MPPED1: variants seen among roughly 807,000 people sequenced by gnomAD.
MPPED1 encodes metallophosphoesterase domain containing 1.
A neutral mutation model predicts 36.2 loss-of-function variants in MPPED1; 16 were observed. The ratio of observed to expected loss-of-function variants is 0.44; its 90% CI spans 0.30 to 0.67. The LOEUF is 0.67. Among genes scored for constraint, MPPED1 ranks in the 30% least tolerant of loss-of-function variants. The probability of loss-of-function intolerance (pLI) is 0.10; values close to 1 mark genes in which losing one functional copy is unlikely to be tolerated. For synonymous variants in MPPED1, 199 were observed against 191.3 expected (o/e 1.04, Z -0.33); for missense variants, 307 against 453.4 (o/e 0.68, Z 2.93).
intron 4 of MPPED1, among the ~76,000 whole-genome samples, chr22:43,497,818 A>G (rs1204154192): frequency 1.4e-5 from 2 of 147,576 alleles, no homozygotes; most frequent in Non-Finnish European, 3.0e-5. Context: ...ATGGAGGGGC[A>G]TCTTCCTGGG....
intron 3 of MPPED1, among the ~76,000 whole-genome samples, chr22:43,440,537 G>A (rs998049572): frequency 6.6e-6 from 1 of 152,190 alleles, no homozygotes; most frequent in African/African-American, 2.4e-5. Context: ...AGAATGCCAG[G>A]TCCAAATTCT....
chr22:43,463,995 G>A (rs907947968), intron 3 of MPPED1, among the ~76,000 whole-genome samples: 11 of 151,518 alleles, frequency 7.3e-5, no homozygotes, highest in African/African-American at 1.7e-4. Context: ...TGCAACCTCC[G>A]CCTCCCAGGT....
chr22:43,445,880 ATTTTCTTTT>A lies in MPPED1; in HGVS notation c.406+10670_406+10678del, dbSNP rs1555899716. 3.1e-4 allele frequency among the ~76,000 whole-genome samples: 39 copies of A among 125,744 alleles called. 1 individual carries two copies. The highest frequency in any genetic ancestry group is 7.9e-4 in the Admixed American group (10 of 12,666). 82.5% of individuals were successfully genotyped at this position (125,744 alleles called of 152,430 possible). A position where few individuals can be genotyped will look rare whatever the true frequency, so the allele number is the denominator to read the frequency against. On this transcript the variant is annotated intron_variant, in intron 3 of 6. Transcript: ENST00000443721. ...CCACTGTGCCTAGCCTGGTGTTTAC[ATTTTCTTTT>A]TTTTTTTTTTTGAGACAGGGTCCTA...
At position 43,454,165 on chromosome 22, in the gene MPPED1, C is replaced by A. The variant is rs558227374; in HGVS notation, c.406+18950C>A. On this transcript the variant is annotated intron_variant, in intron 3 of 6. Transcript: ENST00000443721. ...CTGGGATTACCGGCACCCACCACCA[C>A]GCCTGGCTAATTTTTGTATTTTTAG... 4.5e-4 allele frequency among the ~76,000 whole-genome samples: 68 copies of A among 152,138 alleles called. 1 individual carries two copies. The highest frequency in any genetic ancestry group is 1.1e-3 in the African/African-American group (46 of 41,516).
intron 1 of MPPED1, among the ~76,000 whole-genome samples, chr22:43,416,022 CT>C (rs1929066833): frequency 6.6e-6 from 1 of 152,230 alleles, no homozygotes; most frequent in Non-Finnish European, 1.5e-5. Flanking sequence ...GTCTGCAAGC[CT>C]GCAAAATATA....
chr22:43,420,440 T>C (rs1009309500), intron 1 of MPPED1, among the ~76,000 whole-genome samples: 6 of 151,894 alleles, frequency 4.0e-5, no homozygotes, highest in African/African-American at 1.5e-4. Context: ...AGTCTCACTC[T>C]GTTACCCAGG....
intron 2 of MPPED1, among the ~76,000 whole-genome samples, chr22:43,431,177 C>T (rs1228009321): frequency 6.6e-5 from 10 of 151,436 alleles, no homozygotes; most frequent in African/African-American, 2.4e-4. Flanking sequence ...TAGTAGCTGA[C>T]ACTACAGGCG....
chr22:43,443,223 C>T (rs553418883), intron 3 of MPPED1, among the ~76,000 whole-genome samples: 1 of 152,290 alleles, frequency 6.6e-6, no homozygotes, highest in East Asian at 1.9e-4. Context: ...ACAGTGGAGG[C>T]CTGTGGGCCT....
chr22:43,434,382 C>G (rs776974485), intron 2 of MPPED1, among the ~76,000 whole-genome samples: 3 of 152,220 alleles, frequency 2.0e-5, no homozygotes, highest in African/African-American at 4.8e-5. Flanking sequence ...AACTCCCCCT[C>G]CCGTGCTGCT....
chr22:43,415,247 A>AAAAG (rs397944428), intron 1 of MPPED1, among the ~76,000 whole-genome samples: 1 of 143,554 alleles, frequency 7.0e-6, no homozygotes, highest in East Asian at 2.1e-4. Flanking sequence ...AAAAAAAAAA[A>AAAAG]GGAAAGAAAC....
rs1253495815 is a variant in MPPED1, at chr22:43,483,326, C to A, written c.632+8365C>A. Among the ~76,000 whole-genome samples the A allele has an allele frequency of 2.0e-5, 3 of 152,266 alleles. No individual in the cohort carries two copies. The East Asian group carries it at 5.8e-4, about 29-fold the overall frequency. On this transcript the variant is annotated intron_variant, in intron 4 of 6. Coordinates refer to ENST00000443721, the MANE Select transcript of MPPED1 (RefSeq NM_001044370.2). The stretch of plus-strand genomic sequence containing the variant: ...CTGGCCGGCCCCGAGGCAGCCCCCA[C>A]TCCCCCAGCTGTCACTGCAGATGGG...
Position 43,502,343 on chromosome 22 carries a change from G to A in MPPED1, c.749-301G>A, listed in dbSNP as rs1429401838. On this transcript the variant is annotated intron_variant, in intron 5 of 6. Transcript: ENST00000443721. This position sits in a 1 kb window ranked among gnomAD's most constrained non-coding sequence, Gnocchi z 5.5. ...GCCACTCGAGCACAGATGGTCTGGG[G>A]GGCGCCAGCAGTTACTGAGCACCCC... Among the ~76,000 whole-genome samples the A allele has an allele frequency of 1.3e-5, 2 of 152,140 alleles. No homozygotes were observed. Among genetic ancestry groups the A allele is most frequent in the Non-Finnish European group, 2.9e-5 (2 of 68,026 alleles).
intron 4 of MPPED1, among the ~76,000 whole-genome samples, chr22:43,481,361 T>C: frequency 6.6e-6 from 1 of 152,132 alleles, no homozygotes; most frequent in African/African-American, 2.4e-5. Flanking sequence ...GGCCATTCAG[T>C]GTAGGACCGC....
chr22:43,449,071 TA>T (rs1274202051), intron 3 of MPPED1, among the ~76,000 whole-genome samples: 1 of 151,928 alleles, frequency 6.6e-6, no homozygotes, highest in African/African-American at 2.4e-5. Flanking sequence ...TAGGACTAAC[TA>T]AAAAAAAGTC....
chr22:43,487,083 A>C (rs188904434), intron 4 of MPPED1, among the ~76,000 whole-genome samples: 49 of 152,094 alleles, frequency 3.2e-4, no homozygotes, highest in African/African-American at 1.1e-3. Flanking sequence ...TGTTCATTTC[A>C]TTCTTCGTTC....
rs989451541 is a variant in MPPED1 at position 43,474,018 on chromosome 22, G to A, written c.407-718G>A. Among the ~76,000 whole-genome samples the A allele has an allele frequency of 2.0e-5, 3 of 152,182 alleles. No individual in the cohort carries two copies. Among genetic ancestry groups the A allele is most frequent in the South Asian group, 2.1e-4 (1 of 4,826 alleles). ...TTGATTCCATCTAGATTTTGTTTTG[G>A]CTTTGAATTTCCATGGCAGTAGGGG... On this transcript the variant is annotated intron_variant, in intron 3 of 6. Transcript: ENST00000443721. The surrounding 1 kb of genome is among the most constrained non-coding windows in gnomAD (Gnocchi z 5.2).
chr22:43,420,269 C>G (rs1328821214), intron 1 of MPPED1, among the ~76,000 whole-genome samples: 1 of 152,158 alleles, frequency 6.6e-6, no homozygotes, highest in Admixed American at 6.5e-5. Context: ...GCCAGTGACC[C>G]ATGACAACGA....
At chr22:43,435,323 C>A in intron 3 of MPPED1, 108 bp downstream of exon 3, 3 of 1,256,634 alleles carry the variant, frequency 2.4e-6, no homozygotes, top group Non-Finnish European at 3.3e-6. Flanking sequence ...CCCGGGCCCC[C>A]TCCTTGGCCT....
intron 5 of MPPED1, among the ~76,000 whole-genome samples, chr22:43,500,146 TGGGGGTGGTGGTGGTG>T (rs1932631187): frequency 1.6e-5 from 1 of 63,028 alleles, no homozygotes; most frequent in African/African-American, 6.4e-5. Flanking sequence ...ATGGAGGTGG[TGGGGGTGGTGGTGGTG>T]ATGGTGATGG....
Sources: allele counts gnomAD v4.1 joint callset (sites outside exome capture counted in the v4.1 genomes callset), GRCh38; gene constraint gnomAD v4.1.1; non-coding constraint Gnocchi (gnomAD v3.1); transcripts MANE v1.5; gene names NCBI Gene and HGNC (gene_info 2026-07-23, HGNC 2026-07-21).